The following RBMS3 variants were observed in gnomAD, a reference collection of about 807,000 sequenced individuals.
RBMS3 encodes RNA binding motif single stranded interacting protein 3, also known as RNA-binding motif, single-stranded-interacting protein 3.
RBMS3 carries 27 observed loss-of-function variants against 66.8 expected under a neutral mutation model. The observed-to-expected ratio is 0.40, with a 90% confidence interval of 0.30 to 0.56. RBMS3 has a LOEUF of 0.56. Among genes scored for constraint, RBMS3 ranks in the 20% least tolerant of loss-of-function variants. RBMS3 has a pLI of 0.40. For missense variants in RBMS3, 513 were observed against 549.5 expected (o/e 0.93, Z 0.66); for synonymous variants, 188 against 183.0 (o/e 1.03, Z -0.22).
chr3:29,702,394 G>A lies in RBMS3; in HGVS notation c.400-37326G>A, dbSNP rs112851059. Among the ~76,000 whole-genome samples the A allele has an allele frequency of 5.3e-3, 806 of 152,204 alleles. 3 individuals carry two copies. Among genetic ancestry groups the A allele is most frequent in the Non-Finnish European group, 7.8e-3 (531 of 67,990 alleles). ...GCTCTCTGTTAAACAGACCAATCAG[G>A]TCTCTGTAAAATGGACCAATCAGCA... On this transcript the variant is annotated intron_variant, in intron 4 of 14. Coordinates refer to ENST00000383767, the MANE Select transcript of RBMS3 (RefSeq NM_001003793.3).
chr3:29,989,429 C>A (rs1698674940), intron 13 of RBMS3, among the ~76,000 whole-genome samples: 1 of 152,110 alleles, frequency 6.6e-6, no homozygotes, highest in South Asian at 2.1e-4. Flanking sequence ...CCGTGCATTC[C>A]TTCTCAGCAG....
intron 2 of RBMS3, among the ~76,000 whole-genome samples, chr3:29,483,562 G>A (rs1469772884): frequency 6.6e-6 from 1 of 152,072 alleles, no homozygotes; most frequent in East Asian, 1.9e-4. Context: ...AGCCTCCTAA[G>A]AGGTTCTGCT....
chr3:29,633,196 G>A (rs1464119659), intron 4 of RBMS3, among the ~76,000 whole-genome samples: 1 of 151,476 alleles, frequency 6.6e-6, no homozygotes, highest in Non-Finnish European at 1.5e-5. Flanking sequence ...TATCCCAAGA[G>A]AATTATTTGT....
chr3:29,983,793 T>C lies in RBMS3; in HGVS notation c.1099-4350T>C, dbSNP rs565758355. On this transcript the variant is annotated intron_variant, in intron 12 of 14. Transcript: ENST00000383767. ...TCAGAGAGATCCACTGTTAGTCTGA[T>C]GGGCTTCCCTTTGTGGATAACATGA... is the stretch of plus-strand genomic sequence containing the variant. Among the ~76,000 whole-genome samples the C allele has an allele frequency of 6.6e-5, 10 of 152,356 alleles. No homozygotes were observed. The South Asian group carries it at 1.7e-3, about 25-fold the overall frequency.
chr3:29,456,897 G>C (rs535298992), intron 2 of RBMS3, among the ~76,000 whole-genome samples: 3 of 152,262 alleles, frequency 2.0e-5, no homozygotes, highest in African/African-American at 7.2e-5. Flanking sequence ...ACACAAGGAG[G>C]CTGGACATAA....
At chr3:29,480,078 C>G (rs981465711) in intron 2 of RBMS3, among the ~76,000 whole-genome samples, 1 of 152,162 alleles carries the variant, frequency 6.6e-6, no homozygotes, top group African/African-American at 2.4e-5. Flanking sequence ...GGAGAAATAT[C>G]TAATAACTCT....
At chr3:29,855,933 C>G (rs1324247153) in intron 6 of RBMS3, among the ~76,000 whole-genome samples, 1 of 151,750 alleles carries the variant, frequency 6.6e-6, no homozygotes, top group African/African-American at 2.4e-5. Flanking sequence ...ATGCAGAGAC[C>G]CTATACTCGA....
intron 3 of RBMS3, among the ~76,000 whole-genome samples, chr3:29,567,483 T>G (rs535362299): frequency 2.0e-5 from 3 of 152,312 alleles, no homozygotes; most frequent in Admixed American, 1.3e-4. Flanking sequence ...ATACAGACCC[T>G]CTGCATTATC....
At chr3:29,382,180 A>T (rs1433814941) in intron 1 of RBMS3, among the ~76,000 whole-genome samples, 2 of 152,192 alleles carry the variant, frequency 1.3e-5, no homozygotes, top group Non-Finnish European at 2.9e-5. Flanking sequence ...AAAATGTGGA[A>T]TTTTTGAAAG....
chr3:29,514,627 CAT>C (rs199988465), intron 3 of RBMS3, among the ~76,000 whole-genome samples: 1 of 106,852 alleles, frequency 9.4e-6, no homozygotes, highest in Non-Finnish European at 1.8e-5. Flanking sequence ...GAGATAGGTG[CAT>C]ATATATATGT....
intron 6 of RBMS3, among the ~76,000 whole-genome samples, chr3:29,816,301 G>GACACAC (rs1272764498): frequency 2.9e-5 from 4 of 135,848 alleles, no homozygotes; most frequent in Non-Finnish European, 6.3e-5. Context: ...GACACACACA[G>GACACAC]ACACACACAG....
At chr3:29,311,683 A>C (rs2034384093) in intron 1 of RBMS3, among the ~76,000 whole-genome samples, 1 of 151,842 alleles carries the variant, frequency 6.6e-6, no homozygotes, top group Admixed American at 6.6e-5. Context: ...AATAGGCGTA[A>C]GAGCATTGCA....
intron 4 of RBMS3, among the ~76,000 whole-genome samples, chr3:29,739,325 G>C (rs868777632): frequency 6.6e-6 from 1 of 151,886 alleles, no homozygotes; most frequent in South Asian, 2.1e-4. Flanking sequence ...GCGTGGTGGC[G>C]GGCGCCTGTA....
intron 4 of RBMS3, among the ~76,000 whole-genome samples, chr3:29,737,101 C>G (rs1385663944): frequency 6.6e-6 from 1 of 151,972 alleles, no homozygotes; most frequent in African/African-American, 2.4e-5. Flanking sequence ...CTCAGCCTCC[C>G]GAGTAGCTGG....
At chr3:29,685,283 C>G (rs1041200154) in intron 4 of RBMS3, among the ~76,000 whole-genome samples, 34 of 152,030 alleles carry the variant, frequency 2.2e-4, no homozygotes, top group Non-Finnish European at 3.5e-4. Flanking sequence ...GGATGGTCTC[C>G]ATCTCCTGAC....
At chr3:29,382,259 C>A (rs930575198) in intron 1 of RBMS3, among the ~76,000 whole-genome samples, 2 of 152,162 alleles carry the variant, frequency 1.3e-5, no homozygotes, top group East Asian at 3.8e-4. Context: ...CATCAACTAC[C>A]TTCAGTAGAA....
chr3:29,469,692 A>C (rs997908586), intron 2 of RBMS3, among the ~76,000 whole-genome samples: 1 of 150,806 alleles, frequency 6.6e-6, no homozygotes, highest in African/African-American at 2.4e-5. Flanking sequence ...TACGTATAAG[A>C]AAACAATAAG....
intron 3 of RBMS3, among the ~76,000 whole-genome samples, chr3:29,524,937 G>C (rs1203805875): frequency 6.6e-6 from 1 of 151,800 alleles, no homozygotes; most frequent in Non-Finnish European, 1.5e-5. Flanking sequence ...TGCATCTGTG[G>C]TCCCAGTTGT....
At chr3:29,601,246 G>A (rs36043677) in intron 4 of RBMS3, among the ~76,000 whole-genome samples, 5,117 of 151,878 alleles carry the variant, frequency 0.034, 115 homozygotes, top group Non-Finnish European at 0.048. Flanking sequence ...TATTATTTAG[G>A]AAATGTAATT....
Sources: allele counts gnomAD v4.1 joint callset (sites outside exome capture counted in the v4.1 genomes callset), GRCh38; gene constraint gnomAD v4.1.1; transcripts MANE v1.5; gene names NCBI Gene and HGNC (gene_info 2026-07-23, HGNC 2026-07-21).